The following UBE2L3 variants were observed in gnomAD, a reference collection of about 807,000 sequenced individuals.
The protein encoded by UBE2L3 is ubiquitin-conjugating enzyme E2 L3.
A neutral mutation model predicts 17.8 loss-of-function variants in UBE2L3; 1 was observed. The ratio of observed to expected loss-of-function variants is 0.06; its 90% confidence interval spans 0.02 to 0.27. The LOEUF (loss-of-function observed/expected upper bound fraction) is 0.27, where lower values mean the gene tolerates loss of function less well. Among genes scored for constraint, UBE2L3 ranks in the 10% least tolerant of loss-of-function variants. The probability of loss-of-function intolerance (pLI) is 1.00; values close to 1 mark genes in which losing one functional copy is unlikely to be tolerated. For missense variants in UBE2L3, 40 were observed against 192.6 expected (o/e 0.21, Z 4.69); for synonymous variants, 44 against 68.5 (o/e 0.64, Z 1.76).
chr22:21,617,598 A>G (rs1929842246), intron 3 of UBE2L3, among the ~76,000 whole-genome samples: 2 of 152,096 alleles, frequency 1.3e-5, no homozygotes, highest in Admixed American at 6.6e-5. Context: ...TACATTTTGC[A>G]GAAAAAAAAA....
intron 1 of UBE2L3, chr22:21,568,170 G>A (rs1161894797): frequency 1.0e-6 from 1 of 1,004,078 alleles, no homozygotes; most frequent in Non-Finnish European, 1.2e-6. Context: ...CGGAGCCCGC[G>A]CCGCGGAACC....
At chr22:21,602,813 C>A (rs571447247) in intron 2 of UBE2L3, among the ~76,000 whole-genome samples, 1 of 152,308 alleles carries the variant, frequency 6.6e-6, no homozygotes, top group East Asian at 1.9e-4. Context: ...GGGCCAGTTC[C>A]CCTCGTCCCC....
chr22:21,558,143 C>G (rs1252710842), intron 1 of UBE2L3, among the ~76,000 whole-genome samples: 1 of 150,784 alleles, frequency 6.6e-6, no homozygotes, highest in East Asian at 1.9e-4. Context: ...GGTTCACATC[C>G]TTCTCCTGCC....
At chr22:21,616,352 G>A (rs1405764777) in intron 3 of UBE2L3, among the ~76,000 whole-genome samples, 1 of 152,072 alleles carries the variant, frequency 6.6e-6, no homozygotes, top group Non-Finnish European at 1.5e-5. Context: ...TTCTTTTTGG[G>A]GGATGAAAAT....
chr22:21,577,053 C>T (rs559167580), intron 1 of UBE2L3, among the ~76,000 whole-genome samples: 59 of 151,300 alleles, frequency 3.9e-4, no homozygotes, highest in Middle Eastern at 6.8e-3. Flanking sequence ...ACTGAAAGCT[C>T]CGCCTCCTGG....
chr22:21,556,676 G>A (rs1442344128), intron 1 of UBE2L3, among the ~76,000 whole-genome samples: 1 of 146,048 alleles, frequency 6.8e-6, no homozygotes, highest in Non-Finnish European at 1.5e-5. Flanking sequence ...TGCCCAGGCT[G>A]GTCTTAAACT....
At chr22:21,590,626 T>A (rs532186564) in intron 1 of UBE2L3, among the ~76,000 whole-genome samples, 1 of 152,366 alleles carries the variant, frequency 6.6e-6, no homozygotes, top group South Asian at 2.1e-4. Flanking sequence ...TTTTTTTAGT[T>A]GTCTAGTTTC....
chr22:21,587,049 C>A (rs1014749385), intron 1 of UBE2L3, among the ~76,000 whole-genome samples: 1 of 151,344 alleles, frequency 6.6e-6, no homozygotes, highest in Non-Finnish European at 1.5e-5. Flanking sequence ...CTATGCCTGG[C>A]TAATTTTTGT....
intron 1 of UBE2L3, among the ~76,000 whole-genome samples, chr22:21,561,073 C>T (rs567757888): frequency 6.2e-4 from 94 of 152,230 alleles, no homozygotes; most frequent in African/African-American, 2.2e-3. Flanking sequence ...AGAGGGAGTC[C>T]TTTAGGTTAT....
chr22:21,616,520 C>T (rs979763719), intron 3 of UBE2L3, among the ~76,000 whole-genome samples: 1 of 151,980 alleles, frequency 6.6e-6, no homozygotes, highest in Non-Finnish European at 1.5e-5. Flanking sequence ...GGCACGGTGG[C>T]GTGCACCTGT....
rs147845367 is a variant in UBE2L3 at position 21,570,462 on chromosome 22, T to C, written c.27+2691T>C. Among the ~76,000 whole-genome samples the C allele has an allele frequency of 1.9e-3, 285 of 152,322 alleles. 1 individual carries two copies. Among genetic ancestry groups the C allele is most frequent in the African/African-American group, 6.4e-3 (268 of 41,578 alleles). On this transcript the variant is annotated intron_variant, in intron 1 of 3. Transcript: ENST00000342192. ...TAAATGAGGACATTGTGAGGTTAAG[T>C]AGGTTAAGGGAGTTACCTAAGGTAG... is the stretch of plus-strand genomic sequence containing the variant.
chr22:21,567,828 C>G, intron 1 of UBE2L3, 57 bp downstream of exon 1: 10 of 1,559,766 alleles, frequency 6.4e-6, no homozygotes, highest in Non-Finnish European at 8.7e-6. Context: ...GGCTCCGGAT[C>G]CCCGAGGCAG....
At chr22:21,615,432 G>C (rs375952131) in intron 3 of UBE2L3, among the ~76,000 whole-genome samples, 1 of 151,650 alleles carries the variant, frequency 6.6e-6, no homozygotes, top group Non-Finnish European at 1.5e-5. Flanking sequence ...GCAGGCGCCT[G>C]TAGTCCCAGC....
intron 3 of UBE2L3, among the ~76,000 whole-genome samples, chr22:21,620,065 G>A (rs763588903): frequency 4.9e-4 from 75 of 152,014 alleles, no homozygotes; most frequent in Non-Finnish European, 7.8e-4. Context: ...AGGATGAGGC[G>A]GTAGGATCAC....
At chr22:21,567,695 G>A, upstream of UBE2L3, 1 of 1,560,666 alleles carries the variant, frequency 6.4e-7, no homozygotes, top group African/African-American at 1.3e-5. Context: ...GGCTCCAGCC[G>A]CCCGGCCGGC....
chr22:21,609,706 T>C (rs573313410), intron 2 of UBE2L3, among the ~76,000 whole-genome samples: 15 of 151,174 alleles, frequency 9.9e-5, no homozygotes, highest in African/African-American at 3.4e-4. Context: ...CTGTCAAAAA[T>C]AAATAAGTAA....
At chr22:21,576,046 A>T (rs1927273012) in intron 1 of UBE2L3, among the ~76,000 whole-genome samples, 1 of 151,428 alleles carries the variant, frequency 6.6e-6, no homozygotes, top group Non-Finnish European at 1.5e-5. Context: ...TCCAAAGATG[A>T]GCATAGGTGC....
At chr22:21,571,074 G>A (rs1398919674) in intron 1 of UBE2L3, among the ~76,000 whole-genome samples, 2 of 152,190 alleles carry the variant, frequency 1.3e-5, no homozygotes, top group Non-Finnish European at 1.5e-5. Context: ...CACTTGCCAG[G>A]AGGCTTAACC....
At chr22:21,578,966 T>C (rs1927474497) in intron 1 of UBE2L3, among the ~76,000 whole-genome samples, 1 of 89,616 alleles carries the variant, frequency 1.1e-5, no homozygotes. Flanking sequence ...AAGTGTATTA[T>C]TTATTTATTT....
Sources: gnomAD v4.1 joint callset for allele counts (sites outside exome capture counted in the v4.1 genomes callset) on GRCh38, gnomAD v4.1.1 for gene constraint, MANE v1.5 for transcripts, NCBI Gene and HGNC (gene_info 2026-07-23, HGNC 2026-07-21) for gene names.